Variants in DLG2 observed in about 807,000 individuals in gnomAD.
DLG2 encodes discs large MAGUK scaffold protein 2, also known as disks large homolog 2.
Under a neutral mutation model 132.5 loss-of-function variants are expected in DLG2, and 45 were observed. That is an observed-to-expected ratio of 0.34 (90% CI 0.27 to 0.44). The LOEUF (loss-of-function observed/expected upper bound fraction) is 0.44, where lower values mean the gene tolerates loss of function less well. Ranked by LOEUF, DLG2 falls within the 20% of genes least tolerant of loss-of-function variation. DLG2 has a pLI of 1.00. For missense variants in DLG2, 1,045 were observed against 1,196.9 expected (o/e 0.87, Z 1.87); for synonymous variants, 424 against 419.6 (o/e 1.01, Z -0.13).
chr11:85,324,527 C>G (rs1390130775), intron 3 of DLG2, among the ~76,000 whole-genome samples: 1 of 152,150 alleles, frequency 6.6e-6, no homozygotes, highest in African/African-American at 2.4e-5. Context: ...TATTATTAAA[C>G]TTTCGGAGCA....
intron 7 of DLG2, among the ~76,000 whole-genome samples, chr11:84,396,841 A>G (rs938271925): frequency 2.0e-5 from 3 of 152,160 alleles, no homozygotes; most frequent in African/African-American, 4.8e-5. Flanking sequence ...CCACAACCAG[A>G]GATATTCCTC....
At chr11:84,832,199 C>T (rs1344384318) in intron 6 of DLG2, among the ~76,000 whole-genome samples, 8 of 151,608 alleles carry the variant, frequency 5.3e-5, no homozygotes, top group African/African-American at 1.5e-4. Context: ...AAAGACAACT[C>T]AGAGGAAGAA....
chr11:85,139,671 C>T (rs1430931674), intron 5 of DLG2, among the ~76,000 whole-genome samples: 1 of 151,816 alleles, frequency 6.6e-6, no homozygotes, highest in African/African-American at 2.4e-5. Flanking sequence ...TAGCATGAAT[C>T]CCATATATAA....
At chr11:83,497,309 A>G (rs1565479189) in intron 21 of DLG2, among the ~76,000 whole-genome samples, 1 of 152,130 alleles carries the variant, frequency 6.6e-6, no homozygotes, top group East Asian at 1.9e-4. Context: ...TTGGGAGGCC[A>G]AGGTAGGTGG....
intron 6 of DLG2, among the ~76,000 whole-genome samples, chr11:84,837,924 C>T (rs767992003): frequency 1.3e-5 from 2 of 151,742 alleles, no homozygotes; most frequent in African/African-American, 2.4e-5. Flanking sequence ...CCAGGCCCCA[C>T]ACCAGACTCA....
intron 11 of DLG2, among the ~76,000 whole-genome samples, chr11:84,013,608 C>T (rs1390726037): frequency 1.3e-5 from 2 of 151,962 alleles, no homozygotes; most frequent in Admixed American, 6.6e-5. Context: ...GTGGCTCACA[C>T]CTGTAATCTC....
intron 10 of DLG2, among the ~76,000 whole-genome samples, chr11:84,092,943 G>C (rs2097114168): frequency 6.6e-6 from 1 of 150,900 alleles, no homozygotes; most frequent in East Asian, 2.0e-4. Flanking sequence ...GGCTGAGGCA[G>C]AAGAATCGCT....
At chr11:85,068,316 G>C (rs1157779297) in intron 6 of DLG2, among the ~76,000 whole-genome samples, 2 of 152,080 alleles carry the variant, frequency 1.3e-5, no homozygotes, top group African/African-American at 4.8e-5. Context: ...TCAGGCAGGA[G>C]AAGGAAATAA....
At chr11:84,303,381 G>A (rs1025391815) in intron 7 of DLG2, among the ~76,000 whole-genome samples, 3 of 152,128 alleles carry the variant, frequency 2.0e-5, no homozygotes, top group Non-Finnish European at 4.4e-5. Flanking sequence ...AAATGCAAAT[G>A]TGTTCAATCA....
chr11:84,874,605 A>G (rs1225483430), intron 6 of DLG2, among the ~76,000 whole-genome samples: 1 of 152,214 alleles, frequency 6.6e-6, no homozygotes, highest in African/African-American at 2.4e-5. Context: ...TCTAGCTTCT[A>G]TGTGGAAGAT....
At chr11:84,511,479 A>T (rs967185444) in intron 7 of DLG2, among the ~76,000 whole-genome samples, 34 of 152,142 alleles carry the variant, frequency 2.2e-4, no homozygotes, top group Non-Finnish European at 2.9e-5. Context: ...ATCAGAGTTC[A>T]TATATATTTT....
chr11:84,503,312 C>A (rs547117113), intron 7 of DLG2, among the ~76,000 whole-genome samples: 2 of 152,160 alleles, frequency 1.3e-5, no homozygotes, highest in East Asian at 3.9e-4. Context: ...TGTGAAAGAC[C>A]TAATAGTGAG....
intron 18 of DLG2, among the ~76,000 whole-genome samples, chr11:83,635,659 CT>C (rs1343896293): frequency 2.0e-5 from 3 of 152,118 alleles, no homozygotes; most frequent in Admixed American, 6.6e-5. Context: ...TGTATTAAGA[CT>C]TTTCCCCCCT....
intron 12 of DLG2, among the ~76,000 whole-genome samples, chr11:83,968,420 T>C (rs866750906): frequency 2.0e-5 from 3 of 152,294 alleles, no homozygotes; most frequent in Middle Eastern, 3.4e-3. Flanking sequence ...CTTAAATCTT[T>C]TTTCATTTCA....
At chr11:85,326,392 A>C (rs1427127933) in intron 3 of DLG2, among the ~76,000 whole-genome samples, 3 of 122,086 alleles carry the variant, frequency 2.5e-5, no homozygotes, top group African/African-American at 9.4e-5. Context: ...GTTACCCTCA[A>C]AGGAAAGCCC....
chr11:85,480,385 T>C (rs1190891636), intron 3 of DLG2, among the ~76,000 whole-genome samples: 1 of 152,126 alleles, frequency 6.6e-6, no homozygotes, highest in Non-Finnish European at 1.5e-5. Context: ...TTCTGGAATG[T>C]CTTTATAATG....
intron 3 of DLG2, among the ~76,000 whole-genome samples, chr11:85,466,120 G>A (rs2092779613): frequency 6.6e-6 from 1 of 152,196 alleles, no homozygotes; most frequent in Non-Finnish European, 1.5e-5. Flanking sequence ...AGAAGTGTCT[G>A]TTAATATCCT....
At chr11:83,566,537 A>G (rs1039464776) in intron 19 of DLG2, among the ~76,000 whole-genome samples, 2 of 152,146 alleles carry the variant, frequency 1.3e-5, no homozygotes, top group Middle Eastern at 3.2e-3. Context: ...GACCACCTAG[A>G]AAACCTCATA....
chr11:83,886,275 C>A (rs1404022965), intron 15 of DLG2, among the ~76,000 whole-genome samples: 3 of 151,732 alleles, frequency 2.0e-5, no homozygotes, highest in Non-Finnish European at 4.4e-5. Flanking sequence ...AAATGGGAAA[C>A]AAAAAAGGCA....
Sources: allele counts gnomAD v4.1 joint callset (sites outside exome capture counted in the v4.1 genomes callset), GRCh38; gene constraint gnomAD v4.1.1; transcripts MANE v1.5; gene names NCBI Gene and HGNC (gene_info 2026-07-23, HGNC 2026-07-21).